The following GPC5 variants were observed in gnomAD, a reference collection of about 807,000 sequenced individuals.
The protein encoded by GPC5 is glypican-5.
In GPC5, 47 loss-of-function variants were observed where a neutral mutation model predicts 53.9. That is an observed-to-expected ratio of 0.87 (90% CI 0.69 to 1.11). The LOEUF (loss-of-function observed/expected upper bound fraction) is 1.11. Among genes scored for constraint, GPC5 ranks in the 50% most tolerant of loss-of-function variants. The probability of loss-of-function intolerance (pLI) is 0.00; values close to 1 mark genes in which losing one functional copy is unlikely to be tolerated. For synonymous variants in GPC5, 286 were observed against 263.3 expected, an observed-to-expected ratio of 1.09 and a Z score of -0.84; for missense variants, 748 against 713.1, an observed-to-expected ratio of 1.05 and a Z score of -0.56.
intron 7 of GPC5, among the ~76,000 whole-genome samples, chr13:92,331,598 AGTT>A (rs2043288307): frequency 6.6e-6 from 1 of 152,112 alleles, no homozygotes; most frequent in African/African-American, 2.4e-5. Flanking sequence ...AATCCCTCCT[AGTT>A]GTGCTTCATT....
At chr13:92,751,292 C>G (rs1319229672) in intron 7 of GPC5, among the ~76,000 whole-genome samples, 1 of 50,832 alleles carries the variant, frequency 2.0e-5, no homozygotes, top group East Asian at 6.8e-4. Context: ...CTTTGGTCAT[C>G]CAGAAACATT....
intron 6 of GPC5, among the ~76,000 whole-genome samples, chr13:92,067,655 T>A (rs1350123520): frequency 1.3e-5 from 2 of 152,018 alleles, no homozygotes; most frequent in Non-Finnish European, 2.9e-5. Flanking sequence ...ACTGTATTTA[T>A]CAAGTTGTAT....
chr13:92,067,046 A>G (rs2041173200), intron 6 of GPC5, among the ~76,000 whole-genome samples: 1 of 152,128 alleles, frequency 6.6e-6, no homozygotes, highest in African/African-American at 2.4e-5. Context: ...CCATTCAAAC[A>G]TAGTAAAGAA....
intron 7 of GPC5, among the ~76,000 whole-genome samples, chr13:92,195,096 C>T (rs893122528): frequency 1.3e-5 from 2 of 152,108 alleles, no homozygotes; most frequent in Non-Finnish European, 2.9e-5. Context: ...ATCTGAAAAT[C>T]AAGCCACTAA....
chr13:91,937,779 A>G (rs1393899994), intron 6 of GPC5, among the ~76,000 whole-genome samples: 1 of 152,008 alleles, frequency 6.6e-6, no homozygotes, highest in Non-Finnish European at 1.5e-5. Flanking sequence ...AGAAAGATAA[A>G]CCTTAGGGTG....
chr13:92,572,927 A>G (rs1293744030), intron 7 of GPC5, among the ~76,000 whole-genome samples: 1 of 152,212 alleles, frequency 6.6e-6, no homozygotes, highest in Non-Finnish European at 1.5e-5. Flanking sequence ...TTAGATATGT[A>G]GATATTGACT....
chr13:92,332,006 T>A (rs1264588354), intron 7 of GPC5, among the ~76,000 whole-genome samples: 2 of 152,156 alleles, frequency 1.3e-5, no homozygotes, highest in Non-Finnish European at 2.9e-5. Context: ...CAATTCAATG[T>A]ATAAACTCTG....
intron 6 of GPC5, among the ~76,000 whole-genome samples, chr13:92,003,147 C>T (rs1441968302): frequency 6.6e-6 from 1 of 151,842 alleles, no homozygotes; most frequent in Non-Finnish European, 1.5e-5. Context: ...CCCGTCTCTA[C>T]TAAAAATACA....
chr13:92,293,399 T>C (rs1183943167), intron 7 of GPC5, among the ~76,000 whole-genome samples: 1 of 149,678 alleles, frequency 6.7e-6, no homozygotes, highest in Admixed American at 6.6e-5. Context: ...TTAGGTATAC[T>C]CCTAAGGTTG....
At chr13:91,643,282 A>G (rs2139504678) in intron 2 of GPC5, among the ~76,000 whole-genome samples, 1 of 152,262 alleles carries the variant, frequency 6.6e-6, no homozygotes, top group East Asian at 1.9e-4. Context: ...TTGCATTTCC[A>G]TTGTCAATGA....
chr13:92,703,593 TTTA>T (rs1327570597), intron 7 of GPC5, among the ~76,000 whole-genome samples: 1 of 149,864 alleles, frequency 6.7e-6, no homozygotes, highest in African/African-American at 2.4e-5. Flanking sequence ...TTATAAATAA[TTTA>T]TTAAGAATTA....
intron 7 of GPC5, among the ~76,000 whole-genome samples, chr13:92,157,997 T>C (rs1392744953): frequency 6.6e-6 from 1 of 152,122 alleles, no homozygotes. Flanking sequence ...ATATGAGGAA[T>C]AAAGAATACA....
intron 7 of GPC5, among the ~76,000 whole-genome samples, chr13:92,585,176 G>T (rs1659523942): frequency 6.6e-6 from 1 of 152,082 alleles, no homozygotes; most frequent in South Asian, 2.1e-4. Flanking sequence ...TCCACTGTCA[G>T]CTTGTACCAT....
rs113219225 is a variant in GPC5, at chr13:92,624,665, C to T, written c.1562-241617C>T. 2.3e-3 allele frequency among the ~76,000 whole-genome samples: 351 copies of T among 152,280 alleles called. 5 individuals are homozygous for T. The highest frequency in any genetic ancestry group is 8.3e-3 in the African/African-American group (346 of 41,558). On this transcript the variant is annotated intron_variant, in intron 7 of 7. Coordinates refer to ENST00000377067, the MANE Select transcript of GPC5 (RefSeq NM_004466.6). ...TTACCCAATTCAGTATGAAGATGGT[C>T]AGATGGCACATGCTGACACAATGAG...
At chr13:92,735,408 T>C (rs1888910459) in intron 7 of GPC5, among the ~76,000 whole-genome samples, 1 of 151,938 alleles carries the variant, frequency 6.6e-6, no homozygotes, top group Non-Finnish European at 1.5e-5. Context: ...GCATGGCCTA[T>C]AGCATTAAGT....
intron 7 of GPC5, among the ~76,000 whole-genome samples, chr13:92,368,446 C>T (rs981328889): frequency 3.3e-5 from 5 of 150,962 alleles, no homozygotes; most frequent in African/African-American, 1.2e-4. Context: ...GAGTTTAAGA[C>T]CAGCCTGGCT....
chr13:92,434,690 G>T (rs1051869018), intron 7 of GPC5, among the ~76,000 whole-genome samples: 12 of 152,060 alleles, frequency 7.9e-5, no homozygotes, highest in Non-Finnish European at 1.6e-4. Flanking sequence ...AAAATTTAAA[G>T]TTAAGAGAAA....
chr13:92,393,693 G>T (rs1875130603), intron 7 of GPC5, among the ~76,000 whole-genome samples: 1 of 152,032 alleles, frequency 6.6e-6, no homozygotes, highest in African/African-American at 2.4e-5. Context: ...GGAAACAACA[G>T]ACACTGGGTT....
intron 2 of GPC5, among the ~76,000 whole-genome samples, chr13:91,475,635 G>T (rs555512408): frequency 6.6e-6 from 1 of 152,156 alleles, no homozygotes; most frequent in Non-Finnish European, 1.5e-5. Context: ...CCAGGGCCTG[G>T]CTGGTGGGGA....
Sources: allele counts gnomAD v4.1 joint callset (sites outside exome capture counted in the v4.1 genomes callset), GRCh38; gene constraint gnomAD v4.1.1; transcripts MANE v1.5; gene names NCBI Gene and HGNC (gene_info 2026-07-23, HGNC 2026-07-21).